Variants in ARAP2 observed in about 807,000 individuals in gnomAD.
ARAP2 encodes ArfGAP with RhoGAP domain, ankyrin repeat and PH domain 2.
ARAP2 carries 148 observed loss-of-function variants against 194.5 expected under a neutral mutation model. That is an observed-to-expected ratio of 0.76 (90% CI 0.67 to 0.87). ARAP2 has a LOEUF of 0.87. Among genes scored for constraint, ARAP2 ranks in the 40% least tolerant of loss-of-function variants. The probability of loss-of-function intolerance (pLI) is 0.00; values close to 1 mark genes in which losing one functional copy is unlikely to be tolerated. For synonymous variants in ARAP2, 695 were observed against 683.5 expected (o/e 1.02, Z -0.26); for missense variants, 2,128 against 1,989.7 (o/e 1.07, Z -1.32).
intron 4 of ARAP2, 140 bp downstream of exon 4, chr4:36,213,103 A>G (rs535384822): frequency 3.3e-4 from 217 of 652,682 alleles, no homozygotes; most frequent in Admixed American, 8.7e-4. Flanking sequence ...ATTTTACTGA[A>G]CAAAAATTTT....
intron 28 of ARAP2, among the ~76,000 whole-genome samples, chr4:36,084,063 C>T (rs755241382): frequency 3.3e-5 from 5 of 152,076 alleles, no homozygotes; most frequent in African/African-American, 4.8e-5. Context: ...CAGGGGCTCT[C>T]GGCCTTCAGT....
intron 27 of ARAP2, among the ~76,000 whole-genome samples, chr4:36,093,800 A>G (rs930378483): frequency 3.9e-5 from 6 of 152,064 alleles, no homozygotes; most frequent in African/African-American, 1.4e-4. Flanking sequence ...CCCAGTGTCT[A>G]CTGTTTCCGT....
Position 36,209,873 on chromosome 4 carries a change from C to T in ARAP2, c.1487+517G>A, listed in dbSNP as rs1746349896. 3.9e-5 allele frequency among the ~76,000 whole-genome samples: 6 copies of T among 152,234 alleles called. No individual in the cohort carries two copies. The South Asian group carries it at 1.2e-3, about 32-fold the overall frequency. On this transcript the variant is annotated intron_variant, in intron 6 of 32. Coordinates refer to ENST00000303965, the MANE Select transcript of ARAP2 (RefSeq NM_015230.4). ...TAAATCCAAAGAAAAGTATAATATT[C>T]ACGGGACTCTGACCTTCTGTGTAAC...
intron 5 of ARAP2, among the ~76,000 whole-genome samples, chr4:36,041,452 G>A (rs947387914): frequency 6.6e-6 from 1 of 152,184 alleles, no homozygotes; most frequent in Non-Finnish European, 1.5e-5. Flanking sequence ...TTGATCATTA[G>A]AGAAATGCAA....
intron 5 of ARAP2, among the ~76,000 whole-genome samples, chr4:36,036,528 T>C (rs945116083): frequency 6.6e-6 from 1 of 152,114 alleles, no homozygotes; most frequent in African/African-American, 2.4e-5. Flanking sequence ...GAATCAATGA[T>C]AATGATTAAT....
At chr4:36,161,606 C>T in intron 11 of ARAP2, 56 bp from the exon 12 acceptor site, 3 of 1,466,728 alleles carry the variant, frequency 2.0e-6, no homozygotes, top group South Asian at 2.3e-5. Context: ...ATTTATTTTA[C>T]CTTGTTTTGA....
intron 2 of ARAP2, among the ~76,000 whole-genome samples, chr4:36,226,037 T>C (rs985616715): frequency 3.9e-5 from 6 of 152,120 alleles, no homozygotes; most frequent in African/African-American, 1.4e-4. Context: ...CAGTGAAGTC[T>C]GAAAATAATT....
intron 9 of ARAP2, among the ~76,000 whole-genome samples, chr4:36,177,045 A>C (rs1271838591): frequency 6.6e-6 from 1 of 152,012 alleles, no homozygotes; most frequent in Non-Finnish European, 1.5e-5. Context: ...TTCCAAAAAA[A>C]AAGGGGTAAA....
At chr4:36,220,732 T>G (rs758473420) in intron 2 of ARAP2, among the ~76,000 whole-genome samples, 7 of 152,072 alleles carry the variant, frequency 4.6e-5, no homozygotes, top group African/African-American at 7.2e-5. Context: ...TTTTTAAAAA[T>G]TAATTAAAAA....
chr4:36,119,771 T>A, intron 23 of ARAP2, 53 bp from the exon 24 acceptor site: 1 of 1,257,642 alleles, frequency 8.0e-7, no homozygotes, highest in Non-Finnish European at 1.1e-6. Flanking sequence ...CGAAGAGTGA[T>A]GACACTCATC....
In ARAP2 at chr4:36,176,199, A is replaced by C. The variant is rs563229531; in HGVS notation, c.1857+1628T>G. Among the ~76,000 whole-genome samples the C allele has an allele frequency of 3.3e-5, 5 of 151,302 alleles. No homozygotes were observed. In the East Asian group the frequency reaches 9.8e-4, roughly 30 times the overall value. ...CTCTGCATTATAAACTGTAATTCCT[A>C]GACCTATTACTTAATCCTCATTTTC... is the stretch of plus-strand genomic sequence containing the variant. On this transcript the variant is annotated intron_variant, in intron 9 of 32. Transcript: ENST00000303965.
At chr4:36,173,590 ATAAAG>A (rs147777566) in intron 9 of ARAP2, among the ~76,000 whole-genome samples, 9,449 of 152,170 alleles carry the variant, frequency 0.062, 986 homozygotes, top group African/African-American at 0.22. Flanking sequence ...CTTAAAGAAC[ATAAAG>A]TAATTAGCAA....
At chr4:36,141,183 C>T (rs1357808362) in intron 19 of ARAP2, among the ~76,000 whole-genome samples, 1 of 151,576 alleles carries the variant, frequency 6.6e-6, no homozygotes, top group South Asian at 2.1e-4. Context: ...AGGAAAATGC[C>T]TTCTGCCTTC....
At chr4:36,120,017 T>C (rs1722310671) in intron 23 of ARAP2, among the ~76,000 whole-genome samples, 1 of 151,534 alleles carries the variant, frequency 6.6e-6, no homozygotes, top group Non-Finnish European at 1.5e-5. Context: ...TTTATGTAGG[T>C]TGAGAAACAA....
intron 15 of ARAP2, among the ~76,000 whole-genome samples, chr4:36,156,441 AAG>A (rs1220682658): frequency 0.059 from 893 of 15,206 alleles, 110 homozygotes; most frequent in African/African-American, 0.13. Context: ...GAAAGAAAGA[AAG>A]AGAAAGAAAG....
At chr4:36,175,811 A>G (rs1291519535) in intron 9 of ARAP2, among the ~76,000 whole-genome samples, 2 of 152,186 alleles carry the variant, frequency 1.3e-5, no homozygotes, top group Non-Finnish European at 2.9e-5. Flanking sequence ...CTTCTAATTC[A>G]CTGACTTCAT....
intron 1 of ARAP2, among the ~76,000 whole-genome samples, chr4:36,059,533 A>G (rs1268680962): frequency 1.3e-5 from 2 of 152,192 alleles, no homozygotes; most frequent in Non-Finnish European, 2.9e-5. Flanking sequence ...TTGAGATGCT[A>G]GTTGTACATT....
intron 9 of ARAP2, among the ~76,000 whole-genome samples, chr4:36,170,397 G>A (rs991340333): frequency 2.6e-5 from 4 of 152,322 alleles, no homozygotes; most frequent in Middle Eastern, 3.4e-3. Flanking sequence ...AGACCAGCCT[G>A]AGCAACATAG....
At chr4:36,063,890 ATGCAAATATC>A (rs1483916935), downstream of ARAP2, among the ~76,000 whole-genome samples, 4 of 152,246 alleles carry the variant, frequency 2.6e-5, no homozygotes, top group African/African-American at 9.6e-5. Flanking sequence ...CTTTAAAAAG[ATGCAAATATC>A]TGCATGCTAC....
Sources: gnomAD v4.1 joint callset for allele counts (sites outside exome capture counted in the v4.1 genomes callset) on GRCh38, gnomAD v4.1.1 for gene constraint, MANE v1.5 for transcripts, NCBI Gene and HGNC (gene_info 2026-07-23, HGNC 2026-07-21) for gene names.